Variants in RBFOX1 observed in about 807,000 individuals in gnomAD.
The protein encoded by RBFOX1 is RNA binding protein fox-1 homolog 1.
In RBFOX1, 8 loss-of-function variants were observed where a neutral mutation model predicts 57.7. The observed-to-expected ratio is 0.14, with a 90% CI of 0.08 to 0.25. RBFOX1 has a LOEUF of 0.25. Among genes scored for constraint, RBFOX1 ranks in the 10% least tolerant of loss-of-function variants. The pLI is 1.00. For synonymous variants in RBFOX1, 326 were observed against 222.4 expected, an observed-to-expected ratio of 1.47 and a Z score of -4.15; for missense variants, 611 against 548.5, an observed-to-expected ratio of 1.11 and a Z score of -1.14.
chr16:5,617,201 C>G (rs1322553884), intron 3 of RBFOX1, among the ~76,000 whole-genome samples: 1 of 152,142 alleles, frequency 6.6e-6, no homozygotes, highest in Non-Finnish European at 1.5e-5. Context: ...CATCCCCTCA[C>G]TTCCGACTTT....
intron 4 of RBFOX1, among the ~76,000 whole-genome samples, chr16:7,163,273 C>A (rs2078761453): frequency 6.6e-6 from 1 of 152,040 alleles, no homozygotes; most frequent in Admixed American, 6.6e-5. Context: ...GACGAAGGGG[C>A]AGGGGGTTGT....
chr16:6,581,359 G>T (rs1273196479), intron 2 of RBFOX1, among the ~76,000 whole-genome samples: 1 of 152,172 alleles, frequency 6.6e-6, no homozygotes, highest in Non-Finnish European at 1.5e-5. Context: ...GTTGGAGATG[G>T]TGGTTATTTG....
intron 3 of RBFOX1, among the ~76,000 whole-genome samples, chr16:5,729,134 G>C (rs942913041): frequency 6.6e-6 from 1 of 152,218 alleles, no homozygotes; most frequent in Non-Finnish European, 1.5e-5. Flanking sequence ...ATAGACTTTG[G>C]AAACTGGGAG....
At chr16:5,281,493 T>A (rs181907902) in intron 1 of RBFOX1, among the ~76,000 whole-genome samples, 91 of 152,358 alleles carry the variant, frequency 6.0e-4, no homozygotes, top group African/African-American at 2.1e-3. Context: ...ATTTTATATC[T>A]AGATGAACTG....
intron 2 of RBFOX1, among the ~76,000 whole-genome samples, chr16:5,595,129 G>C (rs569130988): frequency 6.6e-6 from 1 of 152,144 alleles, no homozygotes; most frequent in Admixed American, 6.5e-5. Context: ...CTGGGTGTCA[G>C]AGCAAGACTC....
intron 2 of RBFOX1, among the ~76,000 whole-genome samples, chr16:6,610,945 C>G (rs970889940): frequency 1.3e-5 from 2 of 152,160 alleles, no homozygotes; most frequent in Non-Finnish European, 2.9e-5. Context: ...TGTGGAAGAT[C>G]ATAATATACA....
At chr16:6,533,430 C>A (rs576548037) in intron 2 of RBFOX1, among the ~76,000 whole-genome samples, 1 of 152,146 alleles carries the variant, frequency 6.6e-6, no homozygotes, top group Non-Finnish European at 1.5e-5. Context: ...TGATCACTGC[C>A]ACGTGGCACC....
chr16:6,611,989 C>G (rs1453730729), intron 2 of RBFOX1, among the ~76,000 whole-genome samples: 1 of 149,944 alleles, frequency 6.7e-6, no homozygotes, highest in African/African-American at 2.4e-5. Flanking sequence ...CCTCTCAGAT[C>G]TCCCGAGTCC....
intron 2 of RBFOX1, among the ~76,000 whole-genome samples, chr16:6,605,870 C>T (rs933914479): frequency 1.1e-4 from 16 of 151,990 alleles, no homozygotes; most frequent in African/African-American, 3.1e-4. Context: ...GAGTCTGAGG[C>T]GGGTGGATCA....
chr16:6,272,171 A>G (rs1351581795), intron 1 of RBFOX1, among the ~76,000 whole-genome samples: 1 of 152,208 alleles, frequency 6.6e-6, no homozygotes, highest in Admixed American at 6.5e-5. Context: ...AATCTACCCT[A>G]CCAATAGGCT....
At position 6,559,961 on chromosome 16, in the gene RBFOX1, C is replaced by G. The variant is rs146312947; in HGVS notation, c.-63-94642C>G. On this transcript the variant is annotated intron_variant, in intron 2 of 15. Transcript: ENST00000550418. ...GAAGAAAGACTGATGTTTTCCAACCCACATGAACAGACTTTTGTCACAGGC... is the reference window on the plus strand; with the variant it reads ...GAAGAAAGACTGATGTTTTCCAACCGACATGAACAGACTTTTGTCACAGGC... 3.9e-3 allele frequency among the ~76,000 whole-genome samples: 594 copies of G among 152,188 alleles called. 7 individuals carry two copies. Among genetic ancestry groups the G allele is most frequent in the African/African-American group, 0.014 (575 of 41,536 alleles).
At chr16:5,372,484 AAAG>A (rs971577340) in intron 1 of RBFOX1, among the ~76,000 whole-genome samples, 13 of 152,174 alleles carry the variant, frequency 8.5e-5, no homozygotes, top group Non-Finnish European at 1.9e-4. Flanking sequence ...AAGATGAAGA[AAAG>A]AAATGCTCAG....
At chr16:5,524,228 T>C (rs1197401329) in intron 2 of RBFOX1, among the ~76,000 whole-genome samples, 1 of 152,184 alleles carries the variant, frequency 6.6e-6, no homozygotes, top group African/African-American at 2.4e-5. Flanking sequence ...GTGCTCTACG[T>C]GCAAACCAGA....
At position 5,999,888 on chromosome 16, in the gene RBFOX1, AAAAAAAAAAAAAAAAAAAAGAG is replaced by A. The variant is rs1567239076; in HGVS notation, c.351+132554_351+132575del. 1.5e-4 allele frequency among the ~76,000 whole-genome samples: 12 copies of A among 79,078 alleles called. 2 individuals are homozygous for A. Among genetic ancestry groups the A allele is most frequent in the Admixed American group, 2.5e-4 (2 of 7,850 alleles). 51.9% of individuals were successfully genotyped at this position (79,078 alleles called of 152,430 possible). On this transcript the variant is annotated intron_variant, in intron 4 of 19. Coordinates refer to the RBFOX1 transcript ENST00000641259. ...ACCTCAAAAAAAAAAAAAAAAAAAA[AAAAAAAAAAAAAAAAAAAAGAG>A]TGAAGAAGGGAAATCAGACAAGGAA...
chr16:5,411,360 C>G (rs565799), intron 1 of RBFOX1, among the ~76,000 whole-genome samples: 31,673 of 151,978 alleles, frequency 0.21, 3,410 homozygotes, highest in Middle Eastern at 0.27. Flanking sequence ...ATGGAGGATG[C>G]TGAGCTGTTG....
intron 3 of RBFOX1, among the ~76,000 whole-genome samples, chr16:6,825,773 C>T (rs559360586): frequency 2.0e-5 from 3 of 152,172 alleles, no homozygotes; most frequent in South Asian, 4.1e-4. Context: ...CCTGAAGACA[C>T]GCAGCTAATG....
chr16:5,952,390 A>C (rs1221770656), intron 4 of RBFOX1, among the ~76,000 whole-genome samples: 1 of 152,202 alleles, frequency 6.6e-6, no homozygotes, highest in East Asian at 1.9e-4. Context: ...ACCTCAAGCG[A>C]TCTGTCCACC....
At chr16:5,825,788 G>T in intron 3 of RBFOX1, among the ~76,000 whole-genome samples, 1 of 141,786 alleles carries the variant, frequency 7.1e-6, no homozygotes, top group Non-Finnish European at 1.5e-5. Flanking sequence ...TATGAATAAG[G>T]AATAATATTC....
intron 1 of RBFOX1, among the ~76,000 whole-genome samples, chr16:6,202,491 A>G (rs761260912): frequency 2.6e-5 from 4 of 152,198 alleles, no homozygotes; most frequent in Non-Finnish European, 5.9e-5. Context: ...AGAACTTAAG[A>G]CAAAGGCTGT....
Sources: gnomAD v4.1 joint callset for allele counts (sites outside exome capture counted in the v4.1 genomes callset) on GRCh38, gnomAD v4.1.1 for gene constraint, MANE v1.5 for transcripts, NCBI Gene and HGNC (gene_info 2026-07-23, HGNC 2026-07-21) for gene names.